NKAIN2: variants seen among roughly 807,000 people sequenced by gnomAD.
NKAIN2 encodes the protein sodium/potassium-transporting ATPase subunit beta-1-interacting protein 2.
A neutral mutation model predicts 32.6 loss-of-function variants in NKAIN2; 14 were observed. The ratio of observed to expected loss-of-function variants is 0.43; its 90% CI spans 0.28 to 0.67. The LOEUF is 0.67. NKAIN2 is among the 30% of genes least tolerant of loss of function. NKAIN2 has a pLI of 0.17. For synonymous variants in NKAIN2, 80 were observed against 87.2 expected, an observed-to-expected ratio of 0.92 and a Z score of 0.46; for missense variants, 198 against 258.3, an observed-to-expected ratio of 0.77 and a Z score of 1.60.
chr6:124,194,011 G>T (rs1441873674), intron 1 of NKAIN2, among the ~76,000 whole-genome samples: 2 of 152,034 alleles, frequency 1.3e-5, no homozygotes, highest in Admixed American at 6.6e-5. Flanking sequence ...ACTCTTGCAG[G>T]CAAGTCGTCC....
At chr6:124,323,525 C>T (rs1397253130) in intron 2 of NKAIN2, among the ~76,000 whole-genome samples, 1 of 151,884 alleles carries the variant, frequency 6.6e-6, no homozygotes, top group East Asian at 1.9e-4. Flanking sequence ...TTTAATTGTT[C>T]CCATAGTATT....
At chr6:124,520,417 G>A (rs925665962) in intron 3 of NKAIN2, among the ~76,000 whole-genome samples, 2 of 152,070 alleles carry the variant, frequency 1.3e-5, no homozygotes, top group Non-Finnish European at 2.9e-5. Flanking sequence ...TTCTTATTAA[G>A]AATTTTGAGT....
At chr6:124,248,776 C>G (rs1270853446) in intron 1 of NKAIN2, among the ~76,000 whole-genome samples, 1 of 152,122 alleles carries the variant, frequency 6.6e-6, no homozygotes, top group East Asian at 1.9e-4. Flanking sequence ...AGGCATGCTT[C>G]TTGTCATACA....
chr6:124,245,911 C>T (rs1364927644), intron 1 of NKAIN2, among the ~76,000 whole-genome samples: 1 of 152,088 alleles, frequency 6.6e-6, no homozygotes, highest in Non-Finnish European at 1.5e-5. Context: ...GGAACCAAGA[C>T]ATGGTGCTTA....
Position 124,230,577 on chromosome 6 carries a change from G to T in NKAIN2, c.55-52428G>T, listed in dbSNP as rs115366110. On this transcript the variant is annotated intron_variant, in intron 1 of 6. Transcript: ENST00000368417. Reference sequence around the variant, plus strand: ...AAATGGTTTCATGGGATGGGCCCAGGGTCCCAATGCTGTTTGCAGTCTAGG... The same window carrying T: ...AAATGGTTTCATGGGATGGGCCCAGTGTCCCAATGCTGTTTGCAGTCTAGG... Among the ~76,000 whole-genome samples, 1,267 of 152,246 alleles carry T rather than the reference G, an allele frequency of 8.3e-3. 14 individuals carry two copies. The highest frequency in any genetic ancestry group is 0.027 in the African/African-American group (1,124 of 41,554).
chr6:124,432,232 G>A (rs180800055), intron 3 of NKAIN2, among the ~76,000 whole-genome samples: 5 of 152,258 alleles, frequency 3.3e-5, no homozygotes, highest in Non-Finnish European at 7.4e-5. Context: ...TTTAAAAGTT[G>A]ATGACAGTAC....
chr6:124,333,681 A>AC (rs1212242978), intron 2 of NKAIN2, among the ~76,000 whole-genome samples: 20 of 151,556 alleles, frequency 1.3e-4, no homozygotes, highest in Middle Eastern at 3.4e-3. Flanking sequence ...ATAAATAAAT[A>AC]AATACATAAA....
intron 1 of NKAIN2, among the ~76,000 whole-genome samples, chr6:124,020,114 C>T (rs913771151): frequency 8.5e-5 from 13 of 152,070 alleles, no homozygotes; most frequent in African/African-American, 2.7e-4. Context: ...ACAGAGAAGG[C>T]AGCTGGAAGC....
At chr6:124,191,561 T>C (rs188976569) in intron 1 of NKAIN2, among the ~76,000 whole-genome samples, 3 of 152,310 alleles carry the variant, frequency 2.0e-5, no homozygotes, top group Admixed American at 2.0e-4. Context: ...GTGAGCTGTA[T>C]GTCTTCCTTT....
intron 1 of NKAIN2, among the ~76,000 whole-genome samples, chr6:124,087,338 G>T (rs1356626137): frequency 6.6e-6 from 1 of 151,820 alleles, no homozygotes; most frequent in African/African-American, 2.4e-5. Context: ...TGAGAAACGA[G>T]AAGCTTTTTC....
intron 1 of NKAIN2, among the ~76,000 whole-genome samples, chr6:124,129,010 A>G (rs1323544720): frequency 6.6e-6 from 1 of 152,152 alleles, no homozygotes; most frequent in Non-Finnish European, 1.5e-5. Context: ...TGAATATCTA[A>G]TAAGTCTCCA....
intron 1 of NKAIN2, among the ~76,000 whole-genome samples, chr6:124,267,924 GGAAGA>G (rs1317318308): frequency 6.6e-6 from 1 of 152,018 alleles, no homozygotes; most frequent in East Asian, 1.9e-4. Flanking sequence ...AAATAATTTG[GGAAGA>G]GAATCCTTTT....
At chr6:124,405,919 GAGTATT>G (rs1773837061) in intron 3 of NKAIN2, among the ~76,000 whole-genome samples, 1 of 151,996 alleles carries the variant, frequency 6.6e-6, no homozygotes, top group South Asian at 2.1e-4. Context: ...TAAAATTACT[GAGTATT>G]CTTATTAAGT....
chr6:124,722,396 C>A (rs931297730), intron 4 of NKAIN2, among the ~76,000 whole-genome samples: 1 of 152,164 alleles, frequency 6.6e-6, no homozygotes, highest in Non-Finnish European at 1.5e-5. Flanking sequence ...AGTCCTCAAA[C>A]TTTTTGGCAA....
At chr6:124,340,137 G>A (rs1336190985) in intron 2 of NKAIN2, among the ~76,000 whole-genome samples, 1 of 152,034 alleles carries the variant, frequency 6.6e-6, no homozygotes, top group African/African-American at 2.4e-5. Flanking sequence ...TTGCTGACTG[G>A]CCAAAATTAA....
At chr6:124,003,497 A>C (rs1008601172) in intron 1 of NKAIN2, among the ~76,000 whole-genome samples, 2 of 152,206 alleles carry the variant, frequency 1.3e-5, no homozygotes, top group Admixed American at 1.3e-4. Context: ...GATGGAATGC[A>C]AATTCTTCAC....
At chr6:124,485,291 C>T (rs1777608909) in intron 3 of NKAIN2, among the ~76,000 whole-genome samples, 2 of 152,060 alleles carry the variant, frequency 1.3e-5, no homozygotes, top group Non-Finnish European at 2.9e-5. Flanking sequence ...CTAGGTGATT[C>T]AAACAGCTGC....
At chr6:124,354,469 A>T (rs1468376048) in intron 2 of NKAIN2, among the ~76,000 whole-genome samples, 1 of 152,196 alleles carries the variant, frequency 6.6e-6, no homozygotes, top group South Asian at 2.1e-4. Flanking sequence ...GACACTAGTT[A>T]GATGGTCACT....
intron 3 of NKAIN2, among the ~76,000 whole-genome samples, chr6:124,542,872 C>T (rs1004574334): frequency 2.6e-5 from 4 of 151,900 alleles, no homozygotes; most frequent in Non-Finnish European, 4.4e-5. Context: ...CATAACATTT[C>T]GAACATTAAA....
Sources: gnomAD v4.1 joint callset for allele counts (sites outside exome capture counted in the v4.1 genomes callset) on GRCh38, gnomAD v4.1.1 for gene constraint, MANE v1.5 for transcripts, NCBI Gene and HGNC (gene_info 2026-07-23, HGNC 2026-07-21) for gene names.